The following PDE4D variants were observed in gnomAD, a reference collection of about 807,000 sequenced individuals.
The protein encoded by PDE4D is phosphodiesterase 4D, also known as 3',5'-cyclic-AMP phosphodiesterase 4D.
In PDE4D, 24 loss-of-function variants were observed where a neutral mutation model predicts 87.4. The ratio of observed to expected loss-of-function variants is 0.27; its 90% CI spans 0.20 to 0.39. The LOEUF (loss-of-function observed/expected upper bound fraction) is 0.39. Ranked by LOEUF, PDE4D falls within the 10% of genes least tolerant of loss-of-function variation. The pLI is 1.00. For synonymous variants in PDE4D, 384 were observed against 383.2 expected (o/e 1.00, Z -0.02); for missense variants, 714 against 1,041.0 (o/e 0.69, Z 4.32).
At chr5:59,011,332 G>C (rs1215592226) in intron 6 of PDE4D, among the ~76,000 whole-genome samples, 3 of 151,942 alleles carry the variant, frequency 2.0e-5, no homozygotes, top group Non-Finnish European at 2.9e-5. Context: ...TCAGACGATG[G>C]GTAATAAACT....
intron 3 of PDE4D, among the ~76,000 whole-genome samples, chr5:59,924,906 T>C (rs1755071188): frequency 6.6e-6 from 1 of 152,130 alleles, no homozygotes; most frequent in South Asian, 2.1e-4. Flanking sequence ...CCAGGCATAG[T>C]GGCTCATGTC....
intron 1 of PDE4D, among the ~76,000 whole-genome samples, chr5:59,307,683 A>G (rs1771678357): frequency 6.6e-6 from 1 of 151,284 alleles, no homozygotes; most frequent in Admixed American, 6.6e-5. Flanking sequence ...ATCAGTTAGA[A>G]TGGCAATCAT....
intron 1 of PDE4D, among the ~76,000 whole-genome samples, chr5:59,887,188 A>T (rs1750286275): frequency 1.3e-5 from 2 of 152,208 alleles, no homozygotes; most frequent in African/African-American, 2.4e-5. Flanking sequence ...AGCAAGAATT[A>T]TAAATGCTCA....
chr5:60,059,587 T>C (rs1771165814), intron 2 of PDE4D, among the ~76,000 whole-genome samples: 1 of 151,898 alleles, frequency 6.6e-6, no homozygotes, highest in Non-Finnish European at 1.5e-5. Context: ...CTAGAAGGGA[T>C]ATAAATATGA....
At chr5:59,787,966 G>A (rs181695258) in intron 1 of PDE4D, among the ~76,000 whole-genome samples, 136 of 152,246 alleles carry the variant, frequency 8.9e-4, no homozygotes, top group Middle Eastern at 3.4e-3. Context: ...TGACATATAA[G>A]CATAGAAAAT....
At chr5:60,516,110 TAA>T (rs1561327285) in intron 1 of PDE4D, among the ~76,000 whole-genome samples, 1 of 152,246 alleles carries the variant, frequency 6.6e-6, no homozygotes, top group African/African-American at 2.4e-5. Context: ...TTGTGAATAT[TAA>T]GTTTGCGATG....
intron 1 of PDE4D, among the ~76,000 whole-genome samples, chr5:60,256,745 T>C (rs1749094609): frequency 6.6e-6 from 1 of 151,874 alleles, no homozygotes; most frequent in African/African-American, 2.4e-5. Context: ...AGAAGAAAAT[T>C]GAGGAGGCAA....
chr5:59,240,463 T>G (rs944589867), intron 1 of PDE4D, among the ~76,000 whole-genome samples: 4 of 152,188 alleles, frequency 2.6e-5, no homozygotes, highest in African/African-American at 9.6e-5. Context: ...TCCTTCAGCC[T>G]TCATAGTTCT....
intron 2 of PDE4D, among the ~76,000 whole-genome samples, chr5:59,214,131 ACTCCCTT>A (rs1750727977): frequency 6.7e-6 from 1 of 149,288 alleles, no homozygotes; most frequent in Non-Finnish European, 1.5e-5. Flanking sequence ...CACTGCCATC[ACTCCCTT>A]GACTTAGGTC....
intron 1 of PDE4D, among the ~76,000 whole-genome samples, chr5:59,722,313 G>C (rs973498969): frequency 6.6e-5 from 10 of 152,294 alleles, no homozygotes; most frequent in East Asian, 5.8e-4. Context: ...TCTAATACAA[G>C]ATTCAGTTAA....
intron 1 of PDE4D, among the ~76,000 whole-genome samples, chr5:59,520,199 G>T (rs778337934): frequency 4.6e-5 from 7 of 152,134 alleles, no homozygotes; most frequent in Admixed American, 6.6e-5. Flanking sequence ...GGAGGCAGAG[G>T]TTATGGTGAG....
intron 1 of PDE4D, among the ~76,000 whole-genome samples, chr5:59,711,648 T>A (rs1754213528): frequency 6.6e-6 from 1 of 152,168 alleles, no homozygotes; most frequent in Non-Finnish European, 1.5e-5. Flanking sequence ...AGTTTTTGTC[T>A]AATACAAGAT....
At chr5:59,392,503 CTATATATA>C (rs3061702) in intron 1 of PDE4D, among the ~76,000 whole-genome samples, 2 of 139,286 alleles carry the variant, frequency 1.4e-5, no homozygotes, top group Non-Finnish European at 3.1e-5. Flanking sequence ...GTGTGTGTGT[CTATATATA>C]TATATATATA....
At chr5:60,299,707 C>A (rs532525245) in intron 1 of PDE4D, among the ~76,000 whole-genome samples, 14 of 152,158 alleles carry the variant, frequency 9.2e-5, no homozygotes, top group Non-Finnish European at 2.9e-5. Flanking sequence ...CAACTCCAAC[C>A]ATGTCCCTGC....
At chr5:59,091,142 A>C (rs1467688933) in intron 5 of PDE4D, 2 of 453,944 alleles carry the variant, frequency 4.4e-6, no homozygotes, top group South Asian at 1.6e-5. Flanking sequence ...TTTGAAAAAA[A>C]AGAAAGAAAA....
At chr5:59,596,814 G>A (rs1210438222) in intron 1 of PDE4D, among the ~76,000 whole-genome samples, 1 of 152,042 alleles carries the variant, frequency 6.6e-6, no homozygotes, top group Non-Finnish European at 1.5e-5. Context: ...TCTTTGGAAT[G>A]TGAAATGTCC....
chr5:59,700,999 T>C (rs1210388718), intron 1 of PDE4D, among the ~76,000 whole-genome samples: 1 of 152,150 alleles, frequency 6.6e-6, no homozygotes, highest in African/African-American at 2.4e-5. Context: ...TGCTTCATGG[T>C]TTGAGGATGA....
At chr5:59,314,267 C>G (rs909752372) in intron 1 of PDE4D, 50 of 152,192 alleles carry the variant, frequency 3.3e-4, no homozygotes, top group African/African-American at 1.2e-3. Flanking sequence ...ATAGATAACA[C>G]CCAACATACA....
chr5:60,156,914 T>C (rs745511494), intron 2 of PDE4D, among the ~76,000 whole-genome samples: 6 of 152,162 alleles, frequency 3.9e-5, no homozygotes, highest in Non-Finnish European at 7.4e-5. Flanking sequence ...GCCCCTACCT[T>C]TGGAACTTAG....
Sources: allele counts gnomAD v4.1 joint callset (sites outside exome capture counted in the v4.1 genomes callset), GRCh38; gene constraint gnomAD v4.1.1; transcripts MANE v1.5; gene names NCBI Gene and HGNC (gene_info 2026-07-23, HGNC 2026-07-21).